LYPLA1: variants seen among roughly 807,000 people sequenced by gnomAD.
LYPLA1 encodes the protein lysophospholipase 1.
Under a neutral mutation model 34.0 loss-of-function variants are expected in LYPLA1, and 17 were observed. That is an observed-to-expected ratio of 0.50 (90% CI 0.34 to 0.75). The LOEUF is 0.75. LYPLA1 is among the 30% of genes least tolerant of loss of function. LYPLA1 has a pLI of 0.01. For missense variants in LYPLA1, 203 were observed against 288.8 expected, an observed-to-expected ratio of 0.70 and a Z score of 2.15; for synonymous variants, 98 against 100.8, an observed-to-expected ratio of 0.97 and a Z score of 0.17.
chr8:54,100,991 G>T (rs1006784379), intron 1 of LYPLA1, 52 bp from the exon 2 acceptor site: 4 of 1,440,308 alleles, frequency 2.8e-6, no homozygotes, highest in South Asian at 2.3e-5. Context: ...GCCCACACAG[G>T]ATTGTTACAC....
chr8:54,079,665 C>T (rs1036769135), intron 2 of LYPLA1, among the ~76,000 whole-genome samples: 1 of 151,970 alleles, frequency 6.6e-6, no homozygotes. Context: ...TAGCTGGGAG[C>T]GCTCCTGCAG....
chr8:54,096,085 G>C (rs1297518996), intron 2 of LYPLA1, among the ~76,000 whole-genome samples: 1 of 152,082 alleles, frequency 6.6e-6, no homozygotes, highest in Non-Finnish European at 1.5e-5. Flanking sequence ...GGAGTGTCCT[G>C]GTACTTAAAA....
At chr8:54,058,488 G>C (rs1806360703) in intron 5 of LYPLA1, among the ~76,000 whole-genome samples, 1 of 152,122 alleles carries the variant, frequency 6.6e-6, no homozygotes, top group Non-Finnish European at 1.5e-5. Context: ...AGGTTGCAGT[G>C]AGCTGAGATT....
At chr8:54,089,931 A>G (rs1021486296) in intron 2 of LYPLA1, among the ~76,000 whole-genome samples, 1 of 152,214 alleles carries the variant, frequency 6.6e-6, no homozygotes, top group Non-Finnish European at 1.5e-5. Flanking sequence ...AATGCTCCTG[A>G]TTATTGTAAA....
intron 2 of LYPLA1, among the ~76,000 whole-genome samples, chr8:54,099,356 G>C (rs72614667): frequency 0.2 from 30,404 of 152,128 alleles, 4,350 homozygotes; most frequent in East Asian, 0.74. Context: ...TACAAAGTTT[G>C]TATTACATAA....
intron 6 of LYPLA1, chr8:54,054,551 C>T (rs1297288975): frequency 1.3e-5 from 2 of 152,242 alleles, no homozygotes; most frequent in African/African-American, 4.8e-5. Flanking sequence ...CATCTGGGGA[C>T]TGGTTCCATG....
rs982933631 is a variant in LYPLA1 at position 54,047,543 on chromosome 8, T to C, written c.*522A>G. ...ACAATAAACAGCATTATCCCTATTA[T>C]TAGGAATAATGTAATACCACCTCAT... On this transcript the variant is annotated 3_prime_UTR_variant, in exon 9 of 9. Transcript: ENST00000316963. The C allele has an allele frequency of 3.9e-5, 6 of 152,150 alleles. No homozygotes were observed. The highest frequency in any genetic ancestry group is 1.4e-4 in the African/African-American group (6 of 41,450). 9.4% of individuals were successfully genotyped at this position (152,150 alleles called of 1,614,324 possible).
chr8:54,065,987 A>C (rs1275293311), intron 2 of LYPLA1, among the ~76,000 whole-genome samples, 174 bp from the exon 3 acceptor site: 2 of 152,080 alleles, frequency 1.3e-5, no homozygotes, highest in Non-Finnish European at 2.9e-5. Context: ...CCCAGGCTGG[A>C]GTACAGTGGC....
intron 2 of LYPLA1, among the ~76,000 whole-genome samples, chr8:54,070,693 A>T (rs1191853615): frequency 6.6e-6 from 1 of 152,256 alleles, no homozygotes; most frequent in Non-Finnish European, 1.5e-5. Context: ...ACTGTACTCC[A>T]GCCTGGGCGG....
Position 54,101,767 on chromosome 8 carries a change from C to G in LYPLA1, c.57G>C (p.Lys19Asn). Residue 19 changes from lysine to asparagine, a missense_variant, in exon 1 of 9, where the codon AAG (lysine) becomes AAC (asparagine). By Grantham distance (94) the Lys-to-Asn change is moderately conservative. This residue lies in a region of LYPLA1 where 75 missense variants were observed against 73.5 expected (regional missense o/e 1.02). Transcript: ENST00000316963. ...CTACGCCACTCACCGCAGCGGTGGCCTTCCGGGCGGCGGGCACGATGGCGG... is the reference window on the plus strand; with the variant it reads ...CTACGCCACTCACCGCAGCGGTGGCGTTCCGGGCGGCGGGCACGATGGCGG... Reference protein sequence around the residue: ...PLPAIVPAARKATAAVIFLHG... With the variant: ...PLPAIVPAARNATAAVIFLHG... 7.7e-7 allele frequency: 1 copy of G among 1,301,362 alleles called. No individual in the cohort carries two copies. Among genetic ancestry groups the G allele is most frequent in the Non-Finnish European group, 9.8e-7 (1 of 1,016,724 alleles). 80.6% of individuals were successfully genotyped at this position (1,301,362 alleles called of 1,614,324 possible).
chr8:54,061,176 G>T (rs1438321727), intron 5 of LYPLA1, among the ~76,000 whole-genome samples: 2 of 151,658 alleles, frequency 1.3e-5, no homozygotes, highest in Non-Finnish European at 2.9e-5. Context: ...TGCCTCCTGG[G>T]TTCAAGCGAT....
At chr8:54,074,047 G>A (rs1437426624) in intron 2 of LYPLA1, among the ~76,000 whole-genome samples, 1 of 152,150 alleles carries the variant, frequency 6.6e-6, no homozygotes, top group Non-Finnish European at 1.5e-5. Flanking sequence ...AGGCCGAGGT[G>A]GGCGGATCAC....
At chr8:54,092,023 T>C (rs935124011) in intron 2 of LYPLA1, among the ~76,000 whole-genome samples, 4 of 151,790 alleles carry the variant, frequency 2.6e-5, no homozygotes, top group African/African-American at 9.7e-5. Context: ...TGAGCTGTGT[T>C]CACGCCACTG....
At chr8:54,065,326 C>A (rs1352423269) in intron 3 of LYPLA1, among the ~76,000 whole-genome samples, 2 of 151,994 alleles carry the variant, frequency 1.3e-5, no homozygotes, top group Non-Finnish European at 2.9e-5. Context: ...GGCGTGGTGG[C>A]ACGTACCTGT....
At chr8:54,093,339 G>C (rs1225228935) in intron 2 of LYPLA1, among the ~76,000 whole-genome samples, 1 of 152,186 alleles carries the variant, frequency 6.6e-6, no homozygotes, top group Non-Finnish European at 1.5e-5. Context: ...GATCACACTT[G>C]ATTAGGGTGA....
chr8:54,082,076 T>C (rs1019027026), intron 2 of LYPLA1, among the ~76,000 whole-genome samples: 9 of 152,106 alleles, frequency 5.9e-5, no homozygotes, highest in East Asian at 3.9e-4. Flanking sequence ...AAGATAAAGA[T>C]TGAGATACAG....
At chr8:54,062,350 AT>A (rs1270056043) in intron 4 of LYPLA1, 26 bp from the exon 5 acceptor site, 2 of 1,481,208 alleles carry the variant, frequency 1.4e-6, no homozygotes, top group Non-Finnish European at 1.9e-6. Context: ...AAATCTTTTG[AT>A]TCTAAGAAAA....
intron 2 of LYPLA1, among the ~76,000 whole-genome samples, chr8:54,077,835 TG>T (rs1221411819): frequency 1.3e-5 from 2 of 152,118 alleles, no homozygotes; most frequent in African/African-American, 4.8e-5. Context: ...GCCTCTGGGA[TG>T]GGAGGGTACT....
intron 5 of LYPLA1, among the ~76,000 whole-genome samples, chr8:54,059,268 A>T (rs934725974): frequency 6.6e-6 from 1 of 151,456 alleles, no homozygotes; most frequent in Non-Finnish European, 1.5e-5. Context: ...ACATTCCCAA[A>T]TATCTCACAT....
Sources: gnomAD v4.1 joint callset for allele counts (sites outside exome capture counted in the v4.1 genomes callset) on GRCh38, gnomAD v4.1.1 for gene constraint, gnomAD v4.1.1 regional missense constraint, MANE v1.5 for transcripts, NCBI Gene and HGNC (gene_info 2026-07-23, HGNC 2026-07-21) for gene names.